The following CDK5RAP1 variants were observed in gnomAD, a reference collection of about 807,000 sequenced individuals.
CDK5RAP1 encodes the protein mitochondrial tRNA methylthiotransferase CDK5RAP1.
A neutral mutation model predicts 64.5 loss-of-function variants in CDK5RAP1; 62 were observed. The observed-to-expected ratio is 0.96, with a 90% CI of 0.78 to 1.19. The LOEUF is 1.19. Ranked by LOEUF, CDK5RAP1 falls within the 50% of genes most tolerant of loss-of-function variation. The pLI is 0.00. For synonymous variants in CDK5RAP1, 250 were observed against 261.9 expected, an observed-to-expected ratio of 0.95 and a Z score of 0.44; for missense variants, 657 against 735.0, an observed-to-expected ratio of 0.89 and a Z score of 1.23.
At chr20:33,386,417 T>C (rs1041083311) in intron 6 of CDK5RAP1, among the ~76,000 whole-genome samples, 3 of 152,174 alleles carry the variant, frequency 2.0e-5, no homozygotes, top group East Asian at 1.9e-4. Context: ...TTGTACCTAC[T>C]GTTTTTATGA....
intron 2 of CDK5RAP1, 80 bp downstream of exon 2, chr20:33,396,681 C>T: frequency 9.4e-7 from 1 of 1,067,146 alleles, no homozygotes; most frequent in Non-Finnish European, 1.4e-6. Context: ...CAAGCCAGTT[C>T]TGTAATAAAA....
chr20:33,387,158 T>C (rs1262191614), intron 6 of CDK5RAP1, among the ~76,000 whole-genome samples, 165 bp downstream of exon 6: 1 of 151,110 alleles, frequency 6.6e-6, no homozygotes, highest in Non-Finnish European at 1.5e-5. Flanking sequence ...TCCCAGCTAC[T>C]CAGGGGACTA....
chr20:33,372,522 A>T (rs1031711503), intron 10 of CDK5RAP1, 120 bp downstream of exon 10: 2 of 527,928 alleles, frequency 3.8e-6, no homozygotes, highest in East Asian at 6.2e-5. Context: ...AGAAAGAAGA[A>T]GAGCACAAAA....
chr20:33,397,644 G>A (rs1047765390), intron 1 of CDK5RAP1, among the ~76,000 whole-genome samples: 2 of 152,164 alleles, frequency 1.3e-5, no homozygotes, highest in Non-Finnish European at 2.9e-5. Flanking sequence ...TCCTTCAGAA[G>A]GAAAGCAACT....
intron 12 of CDK5RAP1, among the ~76,000 whole-genome samples, chr20:33,364,058 G>T (rs1475902053): frequency 9.9e-5 from 15 of 151,796 alleles, no homozygotes. Flanking sequence ...GAAGTGCTTT[G>T]GAAATCTAAA....
intron 11 of CDK5RAP1, among the ~76,000 whole-genome samples, chr20:33,367,328 A>G (rs954142196): frequency 2.6e-5 from 4 of 152,262 alleles, no homozygotes; most frequent in African/African-American, 9.6e-5. Flanking sequence ...ACTCAGCAGT[A>G]CTATTTATGA....
intron 8 of CDK5RAP1, among the ~76,000 whole-genome samples, chr20:33,374,701 T>C (rs1483778952): frequency 6.6e-6 from 1 of 151,796 alleles, no homozygotes; most frequent in Non-Finnish European, 1.5e-5. Flanking sequence ...GTAGCAGGGA[T>C]TACAGGCACA....
At chr20:33,375,624 G>T (rs1985873767) in intron 8 of CDK5RAP1, among the ~76,000 whole-genome samples, 1 of 151,954 alleles carries the variant, frequency 6.6e-6, no homozygotes, top group African/African-American at 2.4e-5. Flanking sequence ...CCAAAAAAAG[G>T]TTTCAGATGT....
At chr20:33,395,775 G>C (rs752762794) in intron 2 of CDK5RAP1, among the ~76,000 whole-genome samples, 1 of 152,224 alleles carries the variant, frequency 6.6e-6, no homozygotes, top group South Asian at 2.1e-4. Context: ...CACTTTGGGA[G>C]GCCAAGGCGG....
chr20:33,373,870 G>T, intron 9 of CDK5RAP1: 1 of 506,354 alleles, frequency 2.0e-6, no homozygotes, highest in Non-Finnish European at 3.5e-6. Flanking sequence ...TCACACAGTG[G>T]CTGCTCAGTA....
chr20:33,401,250 G>A (rs1217478464), intron 1 of CDK5RAP1, among the ~76,000 whole-genome samples, 178 bp downstream of exon 1: 1 of 152,198 alleles, frequency 6.6e-6, no homozygotes, highest in Non-Finnish European at 1.5e-5. Flanking sequence ...GGTCACACGG[G>A]GTTAGGCGGC....
At chr20:33,383,660 G>C (rs898388526) in intron 7 of CDK5RAP1, 4 of 150,490 alleles carry the variant, frequency 2.7e-5, no homozygotes, top group African/African-American at 7.3e-5. Context: ...AGAATCGTTT[G>C]AACCCGGGAG....
chr20:33,365,374 C>T (rs145504531), intron 12 of CDK5RAP1, among the ~76,000 whole-genome samples: 165 of 152,048 alleles, frequency 1.1e-3, no homozygotes, highest in African/African-American at 3.7e-3. Flanking sequence ...CAGGTTCAAG[C>T]AATTCTCCCA....
At chr20:33,371,554 G>A (rs945008142) in intron 10 of CDK5RAP1, among the ~76,000 whole-genome samples, 2 of 151,796 alleles carry the variant, frequency 1.3e-5, no homozygotes, top group African/African-American at 4.8e-5. Context: ...TTGGCAGGCT[G>A]AGGCGGGCAG....
chr20:33,373,987 CAATA>C (rs1209579280), intron 9 of CDK5RAP1, 124 bp downstream of exon 9: 3 of 713,666 alleles, frequency 4.2e-6, no homozygotes, highest in Non-Finnish European at 7.5e-6. Context: ...CTTAGTCATA[CAATA>C]AATATTTACT....
rs1988782449 is a variant in CDK5RAP1 at position 33,395,114 on chromosome 20, A to G, written c.307T>C (p.Tyr103His). Reference sequence around the variant, plus strand: ...ATCTGGCAGCCATAGGTCTCGAGGTAGACTGCAGTGAGAGGTTGGGGGGAA... The same window carrying G: ...ATCTGGCAGCCATAGGTCTCGAGGTGGACTGCAGTGAGAGGTTGGGGGGAA... The part of the protein sequence containing the change: ...DELLGRQRKV[Y>H]LETYGCQMNV... Residue 103 changes from tyrosine (Y) to histidine (H), a missense_variant and splice_region_variant, in exon 3 of 14, where the codon TAC becomes CAC. Physicochemically the swap from Tyr to His is moderately conservative, Grantham distance 83. Coordinates refer to ENST00000346416, the MANE Select transcript of CDK5RAP1 (RefSeq NM_016408.4). 6.3e-7 allele frequency: 1 copy of G among 1,594,632 alleles called. No homozygotes were observed. Among genetic ancestry groups the G allele is most frequent in the South Asian group, 1.1e-5 (1 of 90,688 alleles).
intron 10 of CDK5RAP1, 100 bp downstream of exon 10, chr20:33,372,542 C>A: frequency 1.8e-6 from 1 of 562,150 alleles, no homozygotes; most frequent in East Asian, 3.0e-5. Context: ...AGTTATGAAA[C>A]TGTGTCACAA....
Position 33,393,888 on chromosome 20 carries a change from A to G in CDK5RAP1, c.443+144T>C, listed in dbSNP as rs1231442369. ...CAGCCAATGTCAGCCAGTTGTATAA[A>G]GACTATCTCCACTGTGGGAAAACTG... On this transcript the variant is annotated intron_variant, in intron 4 of 13. Coordinates refer to ENST00000346416, the MANE Select transcript of CDK5RAP1 (RefSeq NM_016408.4). The G allele has an allele frequency of 2.5e-5, 17 of 675,026 alleles. No homozygotes were observed. The East Asian group carries it at 4.4e-4, about 17-fold the overall frequency. 41.8% of individuals were successfully genotyped at this position (675,026 alleles called of 1,614,324 possible).
chr20:33,377,210 C>T (rs1207930182), intron 8 of CDK5RAP1, among the ~76,000 whole-genome samples: 1 of 152,170 alleles, frequency 6.6e-6, no homozygotes, highest in African/African-American at 2.4e-5. Context: ...GTCAGCCTGT[C>T]CTTTGAAGCT....
Sources: gnomAD v4.1 joint callset for allele counts (sites outside exome capture counted in the v4.1 genomes callset) on GRCh38, gnomAD v4.1.1 for gene constraint, MANE v1.5 for transcripts, NCBI Gene and HGNC (gene_info 2026-07-23, HGNC 2026-07-21) for gene names.